Variants in LRRC7 observed in about 807,000 individuals in gnomAD.
LRRC7 encodes the protein leucine-rich repeat-containing protein 7.
Under a neutral mutation model 175.7 loss-of-function variants are expected in LRRC7, and 23 were observed. The ratio of observed to expected loss-of-function variants is 0.13; its 90% CI spans 0.09 to 0.19. The LOEUF (loss-of-function observed/expected upper bound fraction) is 0.19. Among genes scored for constraint, LRRC7 ranks in the 10% least tolerant of loss-of-function variants. The pLI is 1.00. For missense variants in LRRC7, 1,354 were observed against 1,904.7 expected (o/e 0.71, Z 5.38); for synonymous variants, 685 against 680.9 (o/e 1.01, Z -0.09).
At chr1:69,767,638 G>C (rs536683505) in intron 3 of LRRC7, among the ~76,000 whole-genome samples, 1 of 151,934 alleles carries the variant, frequency 6.6e-6, no homozygotes, top group Non-Finnish European at 1.5e-5. Flanking sequence ...TTATAGAGAA[G>C]TGGTACTATG....
intron 7 of LRRC7, among the ~76,000 whole-genome samples, chr1:69,886,747 G>A (rs951090020): frequency 3.3e-5 from 5 of 151,172 alleles, no homozygotes; most frequent in East Asian, 2.0e-4. Flanking sequence ...ATTTTGCAGC[G>A]ACTGGTACTG....
At chr1:70,053,450 G>A (rs985940121) in intron 23 of LRRC7, among the ~76,000 whole-genome samples, 2 of 152,212 alleles carry the variant, frequency 1.3e-5, no homozygotes, top group African/African-American at 2.4e-5. Context: ...ACATACTTCC[G>A]ACTCTCTTGG....
chr1:70,061,171 C>A (rs149895054), intron 23 of LRRC7, among the ~76,000 whole-genome samples: 1 of 152,068 alleles, frequency 6.6e-6, no homozygotes, highest in Non-Finnish European at 1.5e-5. Context: ...TTTTCTCCTC[C>A]GAGAGTAGCA....
Position 70,131,714 on chromosome 1 carries a change from T to A in LRRC7, c.*9827T>A, listed in dbSNP as rs1220933148. Among the ~76,000 whole-genome samples, 1 of 152,226 alleles carries A rather than the reference T, an allele frequency of 6.6e-6. No homozygotes were observed. The highest frequency in any genetic ancestry group is 2.1e-4 in the South Asian group (1 of 4,832). On this transcript the variant is annotated 3_prime_UTR_variant, in exon 27 of 27. Transcript: ENST00000651989. ...AAACAGCCACCATTGCTGTCTTTGA[T>A]AGCATGATGCCTCAAACTCTCCAGG...
intron 8 of LRRC7, among the ~76,000 whole-genome samples, chr1:69,950,334 G>A (rs1649789520): frequency 1.3e-5 from 2 of 151,964 alleles, no homozygotes; most frequent in South Asian, 4.2e-4. Flanking sequence ...AGGTAAATAC[G>A]GAAGAGATAA....
At chr1:69,995,852 C>T (rs987663384) in intron 11 of LRRC7, among the ~76,000 whole-genome samples, 23 of 151,336 alleles carry the variant, frequency 1.5e-4, no homozygotes, top group Middle Eastern at 3.4e-3. Flanking sequence ...TGAATAATGC[C>T]GCAATAAACA....
chr1:69,824,919 G>A (rs971947377), intron 4 of LRRC7, among the ~76,000 whole-genome samples: 3 of 152,162 alleles, frequency 2.0e-5, no homozygotes, highest in Admixed American at 6.6e-5. Context: ...TCTAACTTTT[G>A]CAGGGCCTAC....
chr1:69,919,278 T>C, intron 7 of LRRC7: 1 of 504,524 alleles, frequency 2.0e-6, no homozygotes, highest in Non-Finnish European at 3.6e-6. Flanking sequence ...CAAATGTATT[T>C]GCTAGATACA....
chr1:69,854,013 T>C (rs954368428), intron 7 of LRRC7, among the ~76,000 whole-genome samples: 1 of 152,204 alleles, frequency 6.6e-6, no homozygotes, highest in Non-Finnish European at 1.5e-5. Flanking sequence ...AGAATAAGCA[T>C]TAAATAAGTA....
chr1:69,589,750 C>G (rs1234116300), intron 1 of LRRC7, among the ~76,000 whole-genome samples: 1 of 150,948 alleles, frequency 6.6e-6, no homozygotes, highest in Non-Finnish European at 1.5e-5. Context: ...TTGAATCATT[C>G]TCTTTTTCTA....
intron 18 of LRRC7, among the ~76,000 whole-genome samples, chr1:70,031,802 T>C (rs1658754859): frequency 6.6e-6 from 1 of 152,018 alleles, no homozygotes; most frequent in Non-Finnish European, 1.5e-5. Flanking sequence ...TTTTTTTTTT[T>C]TTTCCTTTTT....
At chr1:70,007,575 A>T (rs533760834) in intron 11 of LRRC7, among the ~76,000 whole-genome samples, 1 of 152,120 alleles carries the variant, frequency 6.6e-6, no homozygotes, top group Non-Finnish European at 1.5e-5. Flanking sequence ...ATTAAGGCTT[A>T]TTTTAATTTA....
At chr1:70,044,189 T>C in intron 22 of LRRC7, 95 bp downstream of exon 22, 1 of 1,316,998 alleles carries the variant, frequency 7.6e-7, no homozygotes, top group East Asian at 2.4e-5. Flanking sequence ...CAACCCTGCT[T>C]ACTATAGGCT....
At chr1:69,907,232 C>T (rs1238860696) in intron 7 of LRRC7, among the ~76,000 whole-genome samples, 1 of 152,166 alleles carries the variant, frequency 6.6e-6, no homozygotes, top group Non-Finnish European at 1.5e-5. Context: ...TTCCTCTTTT[C>T]CTAATCGAAT....
In LRRC7 at chr1:70,138,215, A is replaced by G. The variant is rs1345827450; in HGVS notation, c.*16328A>G. The G allele has an allele frequency of 6.6e-6, 1 of 152,196 alleles. No individual in the cohort carries two copies. 9.4% of individuals were successfully genotyped at this position (152,196 alleles called of 1,614,324 possible). A position where few individuals can be genotyped will look rare whatever the true frequency, so the allele number is the denominator to read the frequency against. The stretch of plus-strand genomic sequence containing the variant: ...TTGAAAATGGAGATTGTGCCTTTAA[A>G]TACTTAATCAAAGGACTCCTGACCT... On this transcript the variant is annotated 3_prime_UTR_variant, in exon 27 of 27. Transcript: ENST00000651989.
Position 69,825,742 on chromosome 1 carries a change from T to A in LRRC7, c.422-6T>A. ...TTTCATGTACTTTGTTTTTTTCACATTTTAGGTGTACAAGAATTTCCAGAA... is the reference window on the plus strand; with the variant it reads ...TTTCATGTACTTTGTTTTTTTCACAATTTAGGTGTACAAGAATTTCCAGAA... On this transcript the variant is annotated splice_region_variant and splice_polypyrimidine_tract_variant and intron_variant, in intron 4 of 26. Transcript: ENST00000651989. 6.3e-7 allele frequency: 1 copy of A among 1,588,224 alleles called. No homozygotes were observed. Among genetic ancestry groups the A allele is most frequent in the Non-Finnish European group, 8.6e-7 (1 of 1,162,206 alleles).
At chr1:70,056,039 A>G (rs1316326063) in intron 23 of LRRC7, among the ~76,000 whole-genome samples, 1 of 152,180 alleles carries the variant, frequency 6.6e-6, no homozygotes, top group Non-Finnish European at 1.5e-5. Context: ...TAATAGGTGG[A>G]ATTGGAGGAA....
intron 7 of LRRC7, among the ~76,000 whole-genome samples, chr1:69,845,936 G>A (rs1682309004): frequency 1.3e-5 from 2 of 152,060 alleles, no homozygotes; most frequent in South Asian, 2.1e-4. Context: ...TGAACCCATG[G>A]TACCATCCTC....
chr1:69,666,681 T>C (rs1026234056), intron 1 of LRRC7, among the ~76,000 whole-genome samples: 10 of 152,068 alleles, frequency 6.6e-5, no homozygotes, highest in African/African-American at 2.4e-4. Context: ...TTATCTCTGA[T>C]TTTATTTATT....
Sources: gnomAD v4.1 joint callset for allele counts (sites outside exome capture counted in the v4.1 genomes callset) on GRCh38, gnomAD v4.1.1 for gene constraint, MANE v1.5 for transcripts, NCBI Gene and HGNC (gene_info 2026-07-23, HGNC 2026-07-21) for gene names.